The following LARP4B variants were observed in gnomAD, a reference collection of about 807,000 sequenced individuals.
LARP4B encodes the protein La ribonucleoprotein 4B.
LARP4B carries 12 observed loss-of-function variants against 89.8 expected under a neutral mutation model. That is an observed-to-expected ratio of 0.13 (90% confidence interval 0.09 to 0.22). The LOEUF is 0.22. LARP4B is among the 10% of genes least tolerant of loss of function. The pLI, the probability that LARP4B is intolerant of heterozygous loss-of-function variation, is 1.00. For missense variants in LARP4B, 757 were observed against 947.7 expected, an observed-to-expected ratio of 0.80 and a Z score of 2.64; for synonymous variants, 367 against 363.3, an observed-to-expected ratio of 1.01 and a Z score of -0.12.
At chr10:947,344 A>G in the LARP4B span, among the ~76,000 whole-genome samples, 1 of 152,142 alleles carries the variant, frequency 6.6e-6, no homozygotes, top group Non-Finnish European at 1.5e-5. Flanking sequence ...TCAGCAAGAC[A>G]AACGGCAAAT....
chr10:829,308 T>C, intron 11 of LARP4B, 77 bp downstream of exon 11: 2 of 1,241,424 alleles, frequency 1.6e-6, no homozygotes, highest in East Asian at 2.5e-5. Flanking sequence ...TGGCTTCCTA[T>C]TAGATGAGGA....
intron 1 of LARP4B, among the ~76,000 whole-genome samples, chr10:926,904 C>T (rs1010146497): frequency 6.6e-6 from 1 of 152,054 alleles, no homozygotes; most frequent in African/African-American, 2.4e-5. Flanking sequence ...GGCGTGGTGG[C>T]ACGCACCTGT....
chr10:870,962 T>C (rs1443748777), intron 3 of LARP4B, among the ~76,000 whole-genome samples: 3 of 152,226 alleles, frequency 2.0e-5, no homozygotes, highest in African/African-American at 7.2e-5. Context: ...TTCTATTTGA[T>C]TAGTTTCAAA....
chr10:824,480 G>A (rs531551250), intron 13 of LARP4B, among the ~76,000 whole-genome samples: 2 of 151,868 alleles, frequency 1.3e-5, no homozygotes, highest in East Asian at 1.9e-4. Flanking sequence ...GCAACGGAGT[G>A]AGACCCTGTC....
At chr10:983,402 C>G in the LARP4B span, among the ~76,000 whole-genome samples, 1 of 152,204 alleles carries the variant, frequency 6.6e-6, no homozygotes, top group Non-Finnish European at 1.5e-5. Flanking sequence ...CCAGCTTGGG[C>G]TGCCATAACA....
At chr10:855,679 T>C (rs910212767) in intron 5 of LARP4B, among the ~76,000 whole-genome samples, 6 of 152,198 alleles carry the variant, frequency 3.9e-5, no homozygotes, top group African/African-American at 1.4e-4. Context: ...GTGAGAATTA[T>C]GAAAATGTGA....
rs544445565 is a variant in LARP4B, at chr10:919,907, G to A, written c.-40+11521C>T. Reference sequence around the variant, plus strand: ...CAGTCTGATTACACGATACAAACCGGAGGGTGTTAACCAGAACACCAATTA... The same window carrying A: ...CAGTCTGATTACACGATACAAACCGAAGGGTGTTAACCAGAACACCAATTA... On this transcript the variant is annotated intron_variant, in intron 1 of 17. Transcript: ENST00000316157. 2.0e-5 allele frequency among the ~76,000 whole-genome samples: 3 copies of A among 152,340 alleles called. No individual in the cohort carries two copies. In the South Asian group the frequency reaches 6.2e-4, roughly 32 times the overall value.
the LARP4B span, among the ~76,000 whole-genome samples, chr10:953,789 G>C: frequency 6.6e-6 from 1 of 152,252 alleles, no homozygotes; most frequent in South Asian, 2.1e-4. Flanking sequence ...CGGTTGTAAG[G>C]CTTCTGCCTC....
chr10:976,877 G>A, the LARP4B span, among the ~76,000 whole-genome samples: 4 of 139,432 alleles, frequency 2.9e-5, no homozygotes, highest in South Asian at 4.7e-4. Flanking sequence ...TAGGCCTGTT[G>A]TGCAACGTGT....
At chr10:899,211 T>C (rs1249327761) in intron 1 of LARP4B, among the ~76,000 whole-genome samples, 1 of 152,252 alleles carries the variant, frequency 6.6e-6, no homozygotes, top group Non-Finnish European at 1.5e-5. Context: ...GTATCAGTGA[T>C]AATATTAAAT....
At chr10:906,659 A>AG (rs2132004674) in intron 1 of LARP4B, among the ~76,000 whole-genome samples, 1 of 152,350 alleles carries the variant, frequency 6.6e-6, no homozygotes, top group Non-Finnish European at 1.5e-5. Context: ...GCACAAAATT[A>AG]TCTAAGTGAA....
chr10:972,591 C>T, the LARP4B span: 46 of 457,148 alleles, frequency 1.0e-4, no homozygotes, highest in Middle Eastern at 3.2e-4. Flanking sequence ...CAGAGTTAGA[C>T]CAAGAAAGGG....
chr10:882,570 G>C (rs996344944), intron 3 of LARP4B, among the ~76,000 whole-genome samples: 1 of 152,106 alleles, frequency 6.6e-6, no homozygotes, highest in African/African-American at 2.4e-5. Flanking sequence ...TGTATTTTTA[G>C]TAGGGACGGG....
At chr10:836,988 T>C (rs940956692) in intron 7 of LARP4B, among the ~76,000 whole-genome samples, 3 of 152,222 alleles carry the variant, frequency 2.0e-5, no homozygotes, top group Admixed American at 1.3e-4. Flanking sequence ...AATTACGCAA[T>C]GCGCAGATTC....
chr10:909,369 C>T (rs1836602991), intron 1 of LARP4B, among the ~76,000 whole-genome samples: 2 of 150,856 alleles, frequency 1.3e-5, no homozygotes, highest in South Asian at 4.2e-4. Context: ...CAGAATCCAA[C>T]AACAATCTTC....
chr10:887,456 A>G (rs902966917), intron 1 of LARP4B, among the ~76,000 whole-genome samples: 1 of 151,910 alleles, frequency 6.6e-6, no homozygotes, highest in South Asian at 2.1e-4. Flanking sequence ...ATACCTATAA[A>G]TCCCAGCACT....
intron 1 of LARP4B, among the ~76,000 whole-genome samples, chr10:886,508 T>G (rs904376119): frequency 6.6e-6 from 1 of 152,216 alleles, no homozygotes; most frequent in Non-Finnish European, 1.5e-5. Context: ...CCATGTGGAT[T>G]GCAGCATTAT....
intron 1 of LARP4B, among the ~76,000 whole-genome samples, chr10:906,822 A>C (rs1836505409): frequency 6.6e-6 from 1 of 152,236 alleles, no homozygotes; most frequent in South Asian, 2.1e-4. Context: ...ATACAGCTTT[A>C]ACTTCTGCTC....
chr10:810,715 C>T lies in LARP4B; in HGVS notation c.*2211G>A, dbSNP rs1490101383. 2.6e-5 allele frequency: 4 copies of T among 152,096 alleles called. No individual in the cohort carries two copies. Among genetic ancestry groups the T allele is most frequent in the African/African-American group, 9.7e-5 (4 of 41,398 alleles). The allele number at this position is 152,096 out of a possible 1,614,324, so 9.4% of individuals were successfully genotyped here. A position where few individuals can be genotyped will look rare whatever the true frequency, so the allele number is the denominator to read the frequency against. ...GTAGCGAAGATGCAGCTCGTAGGCCCAGGCCTCGAGGTTGCCTCCCAGCTT... is the reference window on the plus strand; with the variant it reads ...GTAGCGAAGATGCAGCTCGTAGGCCTAGGCCTCGAGGTTGCCTCCCAGCTT... On this transcript the variant is annotated 3_prime_UTR_variant, in exon 18 of 18. Coordinates refer to ENST00000316157, the MANE Select transcript of LARP4B (RefSeq NM_015155.3).
Sources: allele counts gnomAD v4.1 joint callset (sites outside exome capture counted in the v4.1 genomes callset), GRCh38; gene constraint gnomAD v4.1.1; transcripts MANE v1.5; gene names NCBI Gene and HGNC (gene_info 2026-07-23, HGNC 2026-07-21).